Variants in ABR observed in about 807,000 individuals in gnomAD.
ABR encodes the protein ABR activator of RhoGEF and GTPase.
A neutral mutation model predicts 107.2 loss-of-function variants in ABR; 35 were observed. That is an observed-to-expected ratio of 0.33 (90% CI 0.25 to 0.43). The LOEUF is 0.43. Ranked by LOEUF, ABR falls within the 20% of genes least tolerant of loss-of-function variation. ABR has a pLI of 1.00. For synonymous variants in ABR, 498 were observed against 462.0 expected (o/e 1.08, Z -1.00); for missense variants, 815 against 1,115.2 (o/e 0.73, Z 3.83).
At chr17:1,030,806 C>G (rs2072667044) in intron 16 of ABR, among the ~76,000 whole-genome samples, 1 of 152,260 alleles carries the variant, frequency 6.6e-6, no homozygotes. Context: ...GGGCCCAGCC[C>G]TGGCCAGCCG....
At chr17:1,056,210 A>C in intron 13 of ABR, 101 bp from the exon 14 acceptor site, 2 of 1,038,228 alleles carry the variant, frequency 1.9e-6, no homozygotes, top group South Asian at 1.3e-5. Flanking sequence ...GACTCAGCTG[A>C]GTCTTGGTCC....
upstream of ABR, among the ~76,000 whole-genome samples, chr17:1,187,812 T>A (rs2042342318): frequency 6.6e-6 from 1 of 151,974 alleles, no homozygotes; most frequent in South Asian, 2.1e-4. Flanking sequence ...GAGAATCACT[T>A]GAACCTGGGT....
intron 16 of ABR, among the ~76,000 whole-genome samples, chr17:1,020,279 C>T (rs1327662864): frequency 2.6e-5 from 4 of 152,184 alleles, no homozygotes; most frequent in African/African-American, 9.7e-5. Context: ...GACGGGGTTT[C>T]ACCGTGTTGG....
intron 1 of ABR, among the ~76,000 whole-genome samples, chr17:1,139,968 C>T (rs913574342): frequency 4.6e-5 from 7 of 152,062 alleles, no homozygotes; most frequent in African/African-American, 1.7e-4. Flanking sequence ...CCACTGAAGC[C>T]GAGCTCTGGA....
intron 2 of ABR, among the ~76,000 whole-genome samples, chr17:1,124,133 G>C (rs2039480638): frequency 6.6e-6 from 1 of 152,168 alleles, no homozygotes; most frequent in African/African-American, 2.4e-5. Context: ...ACCCCGGTGT[G>C]TGAAGAGGGG....
Position 1,079,368 on chromosome 17 carries a change from T to C in ABR, c.662A>G (p.Lys221Arg). 1.2e-6 allele frequency: 2 copies of C among 1,613,620 alleles called. No individual in the cohort carries two copies. The highest frequency in any genetic ancestry group is 8.5e-7 in the Non-Finnish European group (1 of 1,179,774). ...ISEELKVKGP[K>R]DSKDSHTSVT... ...AGACGTGTGGCTGTCCTTGGAGTCC[T>C]TGGGACCTTTCACTTTGAGTTCCTG... The change falls in exon 6 of 23, where the codon AAG (lysine) becomes AGG (arginine). Residue 221 changes from lysine to arginine, a missense_variant. Around this residue, in one of 5 missense-constraint regions of ABR, gnomAD observed 385 missense variants for 596.9 expected, o/e 0.64. Coordinates refer to ENST00000302538, the MANE Select transcript of ABR (RefSeq NM_021962.5).
chr17:1,167,889 A>T (rs955376531), intron 1 of ABR, among the ~76,000 whole-genome samples: 17 of 152,356 alleles, frequency 1.1e-4, no homozygotes, highest in Non-Finnish European at 2.4e-4. Context: ...CGGGTCGCTC[A>T]CGCCTGTAAT....
chr17:1,072,493 A>C (rs2035320989), intron 8 of ABR, 121 bp downstream of exon 8: 20 of 468,910 alleles, frequency 4.3e-5, no homozygotes, highest in Middle Eastern at 5.1e-4. Context: ...GGGACGAGGG[A>C]CCTGCCGCCC....
At chr17:1,012,915 C>A in intron 17 of ABR, 118 bp from the exon 18 acceptor site, 1 of 1,073,098 alleles carries the variant, frequency 9.3e-7, no homozygotes. Flanking sequence ...ACACCCAGGT[C>A]TCCCTCAACA....
At chr17:1,206,106 C>A (rs767264899) in intron 1 of ABR, among the ~76,000 whole-genome samples, 1 of 152,026 alleles carries the variant, frequency 6.6e-6, no homozygotes, top group African/African-American at 2.4e-5. Flanking sequence ...CAGAAGGAGA[C>A]TCCGTCTCAA....
chr17:1,211,201 C>T (rs555828376), intron 1 of ABR, among the ~76,000 whole-genome samples: 2 of 152,234 alleles, frequency 1.3e-5, no homozygotes, highest in South Asian at 4.1e-4. Flanking sequence ...ATTGCTTGAG[C>T]CCAGGAGGCA....
At chr17:1,192,553 GATCACCT>G (rs1436502707) in intron 1 of ABR, among the ~76,000 whole-genome samples, 1 of 151,716 alleles carries the variant, frequency 6.6e-6, no homozygotes, top group Non-Finnish European at 1.5e-5. Context: ...GAGGTGGGCG[GATCACCT>G]GAGGCCACGA....
chr17:1,113,448 G>C (rs1047832157), intron 2 of ABR, among the ~76,000 whole-genome samples: 1 of 151,864 alleles, frequency 6.6e-6, no homozygotes, highest in Non-Finnish European at 1.5e-5. Context: ...CACCAGGCCC[G>C]GCTAATTTTT....
intron 3 of ABR, 34 bp downstream of exon 3, chr17:1,100,603 G>A: frequency 1.3e-6 from 2 of 1,594,922 alleles, no homozygotes; most frequent in Non-Finnish European, 1.7e-6. Flanking sequence ...CGGGCGGGGG[G>A]ACCGGAAGGC....
intron 1 of ABR, among the ~76,000 whole-genome samples, chr17:1,126,954 G>A (rs1022814208): frequency 7.2e-5 from 11 of 152,142 alleles, no homozygotes; most frequent in East Asian, 1.9e-4. Flanking sequence ...AGTTCTCCAC[G>A]GGGGCCCCAG....
chr17:1,110,389 C>T (rs555456030), intron 2 of ABR, among the ~76,000 whole-genome samples: 32 of 152,062 alleles, frequency 2.1e-4, no homozygotes, highest in African/African-American at 6.8e-4. Context: ...GCCGGTGAAG[C>T]GAGCCAGGTA....
rs777958684 is a variant in ABR at position 1,092,431 on chromosome 17, G to A, written c.346-581C>T. On this transcript the variant is annotated intron_variant, in intron 3 of 22. Transcript: ENST00000302538. This position sits in a 1 kb window ranked among gnomAD's most constrained non-coding sequence, Gnocchi z 4.6. ...CCGTGGCAGACATTGCTAAGCGACC[G>A]TGATGGTCCTTCCCACTGCGCATGG... Among the ~76,000 whole-genome samples the A allele has an allele frequency of 7.9e-5, 12 of 152,138 alleles. No individual in the cohort carries two copies. Among genetic ancestry groups the A allele is most frequent in the Non-Finnish European group, 1.3e-4 (9 of 68,024 alleles).
At chr17:1,095,582 T>A (rs1223990435) in intron 3 of ABR, among the ~76,000 whole-genome samples, 1 of 152,086 alleles carries the variant, frequency 6.6e-6, no homozygotes, top group Non-Finnish European at 1.5e-5. Flanking sequence ...AGGCACCCCC[T>A]CCTCCCCAGT....
intron 2 of ABR, among the ~76,000 whole-genome samples, chr17:1,103,962 G>A (rs983040434): frequency 2.6e-5 from 4 of 152,104 alleles, no homozygotes; most frequent in African/African-American, 7.2e-5. Context: ...TTTGCAGGGC[G>A]TCTCTTGTCT....
Sources: allele counts gnomAD v4.1 joint callset (sites outside exome capture counted in the v4.1 genomes callset), GRCh38; gene constraint gnomAD v4.1.1; regional missense constraint gnomAD v4.1.1; non-coding constraint Gnocchi (gnomAD v3.1); transcripts MANE v1.5; gene names NCBI Gene and HGNC (gene_info 2026-07-23, HGNC 2026-07-21).